Variants in ARHGAP31 observed in about 807,000 individuals in gnomAD.
ARHGAP31 encodes Rho GTPase activating protein 31, also known as rho GTPase-activating protein 31.
Under a neutral mutation model 113.9 loss-of-function variants are expected in ARHGAP31, and 34 were observed. The observed-to-expected ratio is 0.30, with a 90% CI of 0.23 to 0.40. ARHGAP31 has a LOEUF of 0.40. Among genes scored for constraint, ARHGAP31 ranks in the 10% least tolerant of loss-of-function variants. The probability of loss-of-function intolerance (pLI) is 1.00; values close to 1 mark genes in which losing one functional copy is unlikely to be tolerated. For synonymous variants in ARHGAP31, 650 were observed against 684.8 expected, an observed-to-expected ratio of 0.95 and a Z score of 0.79; for missense variants, 1,548 against 1,767.1, an observed-to-expected ratio of 0.88 and a Z score of 2.22.
Position 119,415,731 on chromosome 3 carries a change from G to C in ARHGAP31, c.3802G>C (p.Gly1268Arg). The C allele has an allele frequency of 6.2e-7, 1 of 1,614,088 alleles. No homozygotes were observed. The highest frequency in any genetic ancestry group is 8.5e-7 in the Non-Finnish European group (1 of 1,179,998). Residue 1268 changes from glycine (G) to arginine (R), a missense_variant, in exon 12 of 12, where the codon GGA becomes CGA. Gly to Arg is a moderately radical substitution (Grantham distance 125). Transcript: ENST00000264245. ...GGAAGAAAAACCAAAGCAAGATCCC[G>C]GAGCCATTAAGTCCTCACCAGTGGA... ...SKEEKPKQDP[G>R]AIKSSPVDAT...
intron 6 of ARHGAP31, among the ~76,000 whole-genome samples, chr3:119,390,561 G>T (rs1427560117): frequency 6.6e-6 from 1 of 152,242 alleles, no homozygotes; most frequent in Non-Finnish European, 1.5e-5. Context: ...GGAAGGTGCA[G>T]CTACCTCCTG....
rs1413388695 is a variant in ARHGAP31, at chr3:119,373,242, G to T, written c.348+4726G>T. Among the ~76,000 whole-genome samples the T allele has an allele frequency of 2.0e-5, 3 of 152,100 alleles. No homozygotes were observed. In the South Asian group the frequency reaches 6.2e-4, roughly 32 times the overall value. On this transcript the variant is annotated intron_variant, in intron 3 of 11. Coordinates refer to ENST00000264245, the MANE Select transcript of ARHGAP31 (RefSeq NM_020754.4). The stretch of plus-strand genomic sequence containing the variant: ...ATTAATGTTCTTTAATTATAAGGAA[G>T]CTATCAATAAAAAGAAGTAAAACAT...
At chr3:119,404,943 A>G (rs2080647007) in intron 10 of ARHGAP31, among the ~76,000 whole-genome samples, 1 of 152,202 alleles carries the variant, frequency 6.6e-6, no homozygotes, top group South Asian at 2.1e-4. Flanking sequence ...GGATGAGCTT[A>G]TGGGCTGGTT....
At chr3:119,353,234 G>C (rs140281915) in intron 1 of ARHGAP31, among the ~76,000 whole-genome samples, 62 of 152,264 alleles carry the variant, frequency 4.1e-4, no homozygotes, top group African/African-American at 1.4e-3. Context: ...TCCCTCTCAA[G>C]ACAGCTGGCT....
At chr3:119,305,765 T>G (rs1477381297) in intron 1 of ARHGAP31, among the ~76,000 whole-genome samples, 2 of 152,198 alleles carry the variant, frequency 1.3e-5, no homozygotes, top group East Asian at 1.9e-4. Flanking sequence ...CAAAGCCAAA[T>G]GCAGGTCTCT....
Position 119,402,246 on chromosome 3 carries a change from G to A in ARHGAP31, c.1494G>A (p.Val498=). 6.2e-7 allele frequency: 1 copy of A among 1,614,282 alleles called. No homozygotes were observed. Residue 498 remains valine (V), a synonymous_variant, in exon 10 of 12, where the codon GTG becomes GTA. Coordinates refer to ENST00000264245, the MANE Select transcript of ARHGAP31 (RefSeq NM_020754.4). ...TTGCGGTATCTGTGCCGCTCCGCGT[G>A]TCCGCAGTCATCAGCACCAACAGCA... ...EPFAVSVPLR[V]SAVISTNSTP... is the part of the protein sequence containing the mutation.
intron 10 of ARHGAP31, among the ~76,000 whole-genome samples, chr3:119,407,349 A>AC (rs2080671954): frequency 2.4e-5 from 3 of 124,150 alleles, no homozygotes; most frequent in Non-Finnish European, 5.0e-5. Flanking sequence ...TCCATCTCGA[A>AC]AAAAAAAAAG....
At chr3:119,412,310 C>A (rs1187310095) in intron 11 of ARHGAP31, among the ~76,000 whole-genome samples, 1 of 151,944 alleles carries the variant, frequency 6.6e-6, no homozygotes, top group Non-Finnish European at 1.5e-5. Flanking sequence ...ATCGCTTGAA[C>A]CCGGGAGGAG....
chr3:119,351,625 A>C (rs1411378447), intron 1 of ARHGAP31, among the ~76,000 whole-genome samples: 2 of 152,010 alleles, frequency 1.3e-5, no homozygotes, highest in East Asian at 1.9e-4. Flanking sequence ...AAAAAAAGAG[A>C]GGTGGCCTGG....
chr3:119,324,940 G>A, intron 1 of ARHGAP31: 2 of 456,686 alleles, frequency 4.4e-6, no homozygotes, highest in South Asian at 1.5e-5. Flanking sequence ...TACTTAAAAG[G>A]TGAAAATGTG....
At chr3:119,344,268 A>G (rs1371269399) in intron 1 of ARHGAP31, among the ~76,000 whole-genome samples, 1 of 152,212 alleles carries the variant, frequency 6.6e-6, no homozygotes, top group Non-Finnish European at 1.5e-5. Context: ...GTCAACTCTA[A>G]TCAGAAAGGG....
intron 1 of ARHGAP31, among the ~76,000 whole-genome samples, chr3:119,337,402 G>A (rs1428307834): frequency 6.6e-6 from 1 of 152,116 alleles, no homozygotes; most frequent in Non-Finnish European, 1.5e-5. Context: ...GCAGACCTTT[G>A]TGGTGAGTGT....
At chr3:119,367,918 C>T (rs187656859) in intron 2 of ARHGAP31, among the ~76,000 whole-genome samples, 1 of 151,010 alleles carries the variant, frequency 6.6e-6, no homozygotes, top group East Asian at 2.0e-4. Context: ...GGGTTTGAGT[C>T]TTCAGATAAA....
At chr3:119,377,929 C>G (rs2080362689) in intron 3 of ARHGAP31, among the ~76,000 whole-genome samples, 1 of 152,102 alleles carries the variant, frequency 6.6e-6, no homozygotes, top group South Asian at 2.1e-4. Flanking sequence ...TTGGGCCACC[C>G]TGGTGACAGG....
At chr3:119,366,141 TAAAC>T (rs2080250951) in intron 2 of ARHGAP31, among the ~76,000 whole-genome samples, 1 of 151,920 alleles carries the variant, frequency 6.6e-6, no homozygotes, top group Non-Finnish European at 1.5e-5. Flanking sequence ...TTACATAACT[TAAAC>T]AATAGATTTA....
intron 1 of ARHGAP31, among the ~76,000 whole-genome samples, chr3:119,303,705 A>G (rs879643596): frequency 1.3e-5 from 2 of 152,214 alleles, no homozygotes; most frequent in Non-Finnish European, 2.9e-5. Flanking sequence ...CAAACCGTAC[A>G]TAAATCTATA....
At chr3:119,295,268 G>A (rs1288466056) in intron 1 of ARHGAP31, among the ~76,000 whole-genome samples, 4 of 151,862 alleles carry the variant, frequency 2.6e-5, no homozygotes, top group Non-Finnish European at 5.9e-5. Flanking sequence ...ACTGCCGCAA[G>A]TTTACCGGGC....
At chr3:119,339,058 T>A (rs546663076) in intron 1 of ARHGAP31, among the ~76,000 whole-genome samples, 1 of 151,886 alleles carries the variant, frequency 6.6e-6, no homozygotes, top group East Asian at 1.9e-4. Flanking sequence ...ATTTGGGGAG[T>A]TTGAATAAGA....
At position 119,415,002 on chromosome 3, in the gene ARHGAP31, C is replaced by T; in HGVS notation, c.3073C>T (p.Pro1025Ser). 4.3e-6 allele frequency: 7 copies of T among 1,614,174 alleles called. No homozygotes were observed. The highest frequency in any genetic ancestry group is 5.9e-6 in the Non-Finnish European group (7 of 1,180,028). Residue 1025 changes from proline to serine, a missense_variant, in exon 12 of 12, where the codon CCA (proline) becomes TCA (serine). Transcript: ENST00000264245. ...AGAGGCTCCTCCCAACCAGAAGGGA[C>T]CAAGTGGTGTGCAACCCAACCCAGC... ...GAEAPPNQKGPSGVQPNPAET... is the reference protein window; with the variant it reads ...GAEAPPNQKGSSGVQPNPAET...
Sources: allele counts gnomAD v4.1 joint callset (sites outside exome capture counted in the v4.1 genomes callset), GRCh38; gene constraint gnomAD v4.1.1; transcripts MANE v1.5; gene names NCBI Gene and HGNC (gene_info 2026-07-23, HGNC 2026-07-21).